The following EGFLAM variants were observed in gnomAD, a reference collection of about 807,000 sequenced individuals.
The protein encoded by EGFLAM is EGF like, fibronectin type III and laminin G domains.
In EGFLAM, 79 loss-of-function variants were observed where a neutral mutation model predicts 113.1. The ratio of observed to expected loss-of-function variants is 0.70; its 90% CI spans 0.58 to 0.84. EGFLAM has a LOEUF of 0.84. Ranked by LOEUF, EGFLAM falls within the 40% of genes least tolerant of loss-of-function variation. EGFLAM has a pLI of 0.00. For synonymous variants in EGFLAM, 504 were observed against 487.6 expected (o/e 1.03, Z -0.44); for missense variants, 1,265 against 1,291.6 (o/e 0.98, Z 0.32).
intron 19 of EGFLAM, 180 bp downstream of exon 19, chr5:38,451,638 G>A: frequency 1.1e-6 from 1 of 913,266 alleles, no homozygotes; most frequent in Non-Finnish European, 1.6e-6. Context: ...TTATAGAGCA[G>A]CAGTCAGCAA....
intron 14 of EGFLAM, among the ~76,000 whole-genome samples, chr5:38,428,270 A>G (rs968142101): frequency 6.6e-6 from 1 of 152,226 alleles, no homozygotes; most frequent in Non-Finnish European, 1.5e-5. Flanking sequence ...ACAACCATGC[A>G]TTGCCCTTAA....
chr5:38,385,129 A>G (rs1406912595), intron 6 of EGFLAM, among the ~76,000 whole-genome samples: 1 of 152,158 alleles, frequency 6.6e-6, no homozygotes, highest in African/African-American at 2.4e-5. Flanking sequence ...AAATTAACTG[A>G]CATTTAAAAA....
At chr5:38,273,619 C>G (rs972348630) in intron 1 of EGFLAM, among the ~76,000 whole-genome samples, 3 of 152,216 alleles carry the variant, frequency 2.0e-5, no homozygotes, top group Admixed American at 1.3e-4. Flanking sequence ...CTGTGACAGA[C>G]CTGGGCTTAG....
chr5:38,354,411 T>A (rs1421180492), intron 5 of EGFLAM, among the ~76,000 whole-genome samples: 1 of 152,158 alleles, frequency 6.6e-6, no homozygotes, highest in Non-Finnish European at 1.5e-5. Flanking sequence ...CAAAGCAAGA[T>A]GTAATACTTT....
chr5:38,312,595 T>C (rs979285931), intron 1 of EGFLAM, among the ~76,000 whole-genome samples: 4 of 152,092 alleles, frequency 2.6e-5, no homozygotes, highest in Admixed American at 6.5e-5. Context: ...AGGATAAATA[T>C]ATGGGATCAG....
intron 5 of EGFLAM, among the ~76,000 whole-genome samples, chr5:38,352,948 G>A (rs190541042): frequency 8.5e-5 from 13 of 152,316 alleles, no homozygotes; most frequent in Admixed American, 5.9e-4. Flanking sequence ...TCAAGCATGA[G>A]CCTTGCCCTC....
At chr5:38,462,876 T>A (rs1743335118) in intron 20 of EGFLAM, 32 bp from the exon 21 acceptor site, 2 of 1,612,042 alleles carry the variant, frequency 1.2e-6, no homozygotes, top group Non-Finnish European at 1.7e-6. Context: ...AATGCCAGGC[T>A]TTTTGTTCTT....
intron 12 of EGFLAM, among the ~76,000 whole-genome samples, chr5:38,423,473 A>G (rs1002252492): frequency 1.3e-5 from 2 of 152,210 alleles, no homozygotes; most frequent in African/African-American, 4.8e-5. Context: ...TAAAATGCAT[A>G]AGACTTGTAA....
chr5:38,462,868 T>C (rs1274652717), intron 20 of EGFLAM, 40 bp from the exon 21 acceptor site: 1 of 1,605,236 alleles, frequency 6.2e-7, no homozygotes, highest in Admixed American at 1.7e-5. Flanking sequence ...ACTCCAAAAA[T>C]GCCAGGCTTT....
intron 6 of EGFLAM, among the ~76,000 whole-genome samples, chr5:38,392,248 G>A (rs1740832617): frequency 6.6e-6 from 1 of 152,132 alleles, no homozygotes; most frequent in Non-Finnish European, 1.5e-5. Context: ...TAGGGATAAT[G>A]GCCTCCAGCT....
rs138206366 is a variant in EGFLAM, at chr5:38,455,704, C to T, written c.2688-2607C>T. 3.7e-4 allele frequency among the ~76,000 whole-genome samples: 57 copies of T among 152,234 alleles called. No individual in the cohort carries two copies. In the East Asian group the frequency reaches 0.011, roughly 28 times the overall value. On this transcript the variant is annotated intron_variant, in intron 19 of 21. Transcript: ENST00000322350. ...TTGGGGAATCGGGCCATGGAGAAGC[C>T]AACTGAGTTGCCCCCTCCCACAGTG...
At chr5:38,376,945 C>T (rs1259208313) in intron 6 of EGFLAM, among the ~76,000 whole-genome samples, 9 of 152,172 alleles carry the variant, frequency 5.9e-5, no homozygotes, top group Non-Finnish European at 1.5e-5. Flanking sequence ...GCTGGGATTA[C>T]AGTCCTGAGC....
intron 6 of EGFLAM, among the ~76,000 whole-genome samples, chr5:38,384,682 G>T (rs1193774776): frequency 6.6e-6 from 1 of 152,122 alleles, no homozygotes; most frequent in Non-Finnish European, 1.5e-5. Context: ...TAGGGACCTG[G>T]CTGTAAACCC....
At chr5:38,287,827 C>T (rs929956214) in intron 1 of EGFLAM, among the ~76,000 whole-genome samples, 2 of 152,176 alleles carry the variant, frequency 1.3e-5, no homozygotes, top group African/African-American at 4.8e-5. Flanking sequence ...GACAAATCAA[C>T]GTGATTTTGC....
At chr5:38,463,098 T>G in intron 21 of EGFLAM, 87 bp downstream of exon 21, 3 of 1,312,512 alleles carry the variant, frequency 2.3e-6, no homozygotes, top group South Asian at 2.8e-5. Context: ...CTATGTACTT[T>G]GCTGGATCAA....
chr5:38,377,157 T>C (rs1488809134), intron 6 of EGFLAM, among the ~76,000 whole-genome samples: 1 of 151,738 alleles, frequency 6.6e-6, no homozygotes, highest in African/African-American at 2.4e-5. Flanking sequence ...AGTCTCGCTC[T>C]GTCACCCAGG....
At chr5:38,280,283 C>A (rs1393515211) in intron 1 of EGFLAM, among the ~76,000 whole-genome samples, 2 of 152,200 alleles carry the variant, frequency 1.3e-5, no homozygotes, top group East Asian at 3.9e-4. Flanking sequence ...TTCTGCCGTG[C>A]ACTCACGTAC....
At chr5:38,363,991 C>G (rs1010582033) in intron 5 of EGFLAM, among the ~76,000 whole-genome samples, 1 of 152,180 alleles carries the variant, frequency 6.6e-6, no homozygotes, top group Non-Finnish European at 1.5e-5. Context: ...CGTTGTGTTC[C>G]AGTAAAACTT....
intron 6 of EGFLAM, among the ~76,000 whole-genome samples, chr5:38,375,732 A>G (rs1740348887): frequency 6.6e-6 from 1 of 152,066 alleles, no homozygotes; most frequent in South Asian, 2.1e-4. Context: ...TGTTTTCATT[A>G]ACTGGCACTT....
Sources: allele counts gnomAD v4.1 joint callset (sites outside exome capture counted in the v4.1 genomes callset), GRCh38; gene constraint gnomAD v4.1.1; transcripts MANE v1.5; gene names NCBI Gene and HGNC (gene_info 2026-07-23, HGNC 2026-07-21).